FUT8: variants seen among roughly 807,000 people sequenced by gnomAD.
The protein encoded by FUT8 is alpha-(1,6)-fucosyltransferase.
FUT8 carries 29 observed loss-of-function variants against 71.3 expected under a neutral mutation model. The observed-to-expected ratio is 0.41, with a 90% CI of 0.30 to 0.55. The LOEUF is 0.55. Ranked by LOEUF, FUT8 falls within the 20% of genes least tolerant of loss-of-function variation. The pLI is 0.34. For missense variants in FUT8, 544 were observed against 702.1 expected (o/e 0.77, Z 2.55); for synonymous variants, 254 against 239.3 (o/e 1.06, Z -0.57).
chr14:65,706,402 C>T (rs752228377), intron 7 of FUT8, among the ~76,000 whole-genome samples: 5 of 152,104 alleles, frequency 3.3e-5, no homozygotes, highest in African/African-American at 7.2e-5. Flanking sequence ...TGGGTTTCAG[C>T]GATCTCCCCT....
intron 6 of FUT8, among the ~76,000 whole-genome samples, chr14:65,634,456 AACCAGAG>A (rs1160604067): frequency 1.3e-5 from 2 of 151,978 alleles, no homozygotes; most frequent in African/African-American, 4.8e-5. Flanking sequence ...TGCCTAGGAA[AACCAGAG>A]ACCTTTGTTC....
chr14:65,677,449 C>T (rs927981842), intron 7 of FUT8, among the ~76,000 whole-genome samples: 7 of 151,914 alleles, frequency 4.6e-5, no homozygotes, highest in Non-Finnish European at 1.0e-4. Context: ...TTATAAGTAG[C>T]CATTAAACTT....
upstream of FUT8, chr14:65,410,526 C>G (rs1008395920): frequency 6.7e-6 from 1 of 148,914 alleles, no homozygotes; most frequent in African/African-American, 2.5e-5. Context: ...GTATATTATA[C>G]TGTTCTATAC....
chr14:65,644,987 C>G (rs1276417497), intron 6 of FUT8, among the ~76,000 whole-genome samples: 1 of 151,950 alleles, frequency 6.6e-6, no homozygotes, highest in African/African-American at 2.4e-5. Flanking sequence ...AAAAAAAGCA[C>G]AAAAATGAGA....
intron 2 of FUT8, among the ~76,000 whole-genome samples, chr14:65,482,430 A>T (rs963255427): frequency 3.3e-5 from 5 of 152,114 alleles, no homozygotes; most frequent in African/African-American, 1.2e-4. Flanking sequence ...TTCCTCTTAC[A>T]TGACAAGAAG....
chr14:65,707,014 G>A (rs999245034), intron 7 of FUT8, among the ~76,000 whole-genome samples: 1 of 152,088 alleles, frequency 6.6e-6, no homozygotes, highest in African/African-American at 2.4e-5. Context: ...TTCTTTTAGA[G>A]CCTTAAAGTC....
the FUT8 span, among the ~76,000 whole-genome samples, chr14:65,375,143 T>C: frequency 6.6e-6 from 1 of 152,184 alleles, no homozygotes; most frequent in Non-Finnish European, 1.5e-5. Context: ...TGTCTTTGTT[T>C]AGTTCCTCAA....
At chr14:65,358,224 G>A in the FUT8 span, among the ~76,000 whole-genome samples, 1 of 152,150 alleles carries the variant, frequency 6.6e-6, no homozygotes, top group Non-Finnish European at 1.5e-5. Context: ...AATGTTTAAA[G>A]TGATGAGTAT....
intron 1 of FUT8, among the ~76,000 whole-genome samples, chr14:65,419,831 G>A (rs967881961): frequency 8.5e-5 from 13 of 152,222 alleles, no homozygotes; most frequent in East Asian, 5.8e-4. Flanking sequence ...CCTCAACAGC[G>A]TGAGAAATGT....
At chr14:65,632,099 A>G (rs1262080876) in intron 6 of FUT8, among the ~76,000 whole-genome samples, 1 of 152,322 alleles carries the variant, frequency 6.6e-6, no homozygotes, top group Middle Eastern at 3.4e-3. Flanking sequence ...ACATATACAT[A>G]TGCCACAATT....
chr14:65,453,988 A>C (rs2065863150), intron 1 of FUT8, among the ~76,000 whole-genome samples: 2 of 152,136 alleles, frequency 1.3e-5, no homozygotes, highest in African/African-American at 4.8e-5. Flanking sequence ...CAGGGTGGTC[A>C]TAGGCCTTAT....
chr14:65,361,564 G>A, the FUT8 span, among the ~76,000 whole-genome samples: 3 of 151,708 alleles, frequency 2.0e-5, no homozygotes, highest in East Asian at 5.9e-4. Context: ...GAGGCTGGGG[G>A]ATCACCTGAG....
the FUT8 span, among the ~76,000 whole-genome samples, chr14:65,402,269 C>T: frequency 7.7e-3 from 1,050 of 137,024 alleles, 34 homozygotes; most frequent in Admixed American, 0.056. Flanking sequence ...TGTGCATGAA[C>T]ACAGCTCTCT....
chr14:65,466,901 C>T (rs1035272205), intron 2 of FUT8, among the ~76,000 whole-genome samples: 36 of 149,046 alleles, frequency 2.4e-4, no homozygotes, highest in African/African-American at 8.7e-4. Flanking sequence ...TTGTCAGTTC[C>T]TTTTTCCCAT....
chr14:65,631,313 G>A lies in FUT8; in HGVS notation c.597+1707G>A, dbSNP rs191424675. On this transcript the variant is annotated intron_variant, in intron 6 of 10. Coordinates refer to ENST00000673929, the MANE Select transcript of FUT8 (RefSeq NM_001371533.1). ...ATATCTGGTGATAGTTCTAAACTAT[G>A]ATCTAGTGATAGTTCAGCTACCTAA... Among the ~76,000 whole-genome samples the A allele has an allele frequency of 1.5e-3, 233 of 152,102 alleles. 1 individual carries two copies. Among genetic ancestry groups the A allele is most frequent in the African/African-American group, 5.2e-3 (215 of 41,508 alleles).
chr14:65,407,944 A>G (rs2065093901), upstream of FUT8, among the ~76,000 whole-genome samples: 1 of 152,166 alleles, frequency 6.6e-6, no homozygotes, highest in African/African-American at 2.4e-5. Flanking sequence ...TCCCCCAGAT[A>G]TGGACTGAAA....
intron 2 of FUT8, among the ~76,000 whole-genome samples, chr14:65,515,156 T>C (rs1025916321): frequency 6.6e-6 from 1 of 152,166 alleles, no homozygotes; most frequent in African/African-American, 2.4e-5. Flanking sequence ...TGAATCTGAA[T>C]GTCAAATTGC....
At chr14:65,726,714 C>A (rs1375225617) in intron 9 of FUT8, among the ~76,000 whole-genome samples, 1 of 152,230 alleles carries the variant, frequency 6.6e-6, no homozygotes, top group Admixed American at 6.5e-5. Context: ...ATTTCAAAAC[C>A]AGTCATACTT....
chr14:65,448,028 A>G (rs745759306), intron 1 of FUT8, among the ~76,000 whole-genome samples: 4 of 152,224 alleles, frequency 2.6e-5, no homozygotes, highest in Non-Finnish European at 5.9e-5. Flanking sequence ...AGGCACAGAA[A>G]CAGACATGAT....
Sources: gnomAD v4.1 joint callset for allele counts (sites outside exome capture counted in the v4.1 genomes callset) on GRCh38, gnomAD v4.1.1 for gene constraint, MANE v1.5 for transcripts, NCBI Gene and HGNC (gene_info 2026-07-23, HGNC 2026-07-21) for gene names.